Variants in PTGFR observed in about 807,000 individuals in gnomAD.
PTGFR encodes prostaglandin F receptor.
PTGFR carries 15 observed loss-of-function variants against 26.2 expected under a neutral mutation model. That is an observed-to-expected ratio of 0.57 (90% confidence interval 0.38 to 0.88). The LOEUF is 0.88. Ranked by LOEUF, PTGFR falls within the 40% of genes least tolerant of loss-of-function variation. The pLI, the probability that PTGFR is intolerant of heterozygous loss-of-function variation, is 0.00. For missense variants in PTGFR, 369 were observed against 427.2 expected, an observed-to-expected ratio of 0.86 and a Z score of 1.20; for synonymous variants, 165 against 151.1, an observed-to-expected ratio of 1.09 and a Z score of -0.68.
chr1:78,524,075 C>G (rs923431673), intron 2 of PTGFR, among the ~76,000 whole-genome samples: 1 of 152,010 alleles, frequency 6.6e-6, no homozygotes, highest in Middle Eastern at 3.2e-3. Context: ...CTTAATGGTG[C>G]CTTTTGGGCA....
At chr1:78,532,020 C>T (rs77978616) in intron 2 of PTGFR, among the ~76,000 whole-genome samples, 147 of 152,000 alleles carry the variant, frequency 9.7e-4, no homozygotes, top group African/African-American at 3.5e-3. Context: ...GAAAGGTTTT[C>T]TGCAGAAGAT....
At position 78,539,691 on chromosome 1, in the gene PTGFR, T is replaced by G. The variant is rs1650747361; in HGVS notation, c.*3004T>G. Reference sequence around the variant, plus strand: ...TGGTATGCAACTCATGTAATTTTAGTGCTTTGACTAGCTTAAAACTTCAAA... The same window carrying G: ...TGGTATGCAACTCATGTAATTTTAGGGCTTTGACTAGCTTAAAACTTCAAA... On this transcript the variant is annotated 3_prime_UTR_variant, in exon 3 of 3. Coordinates refer to ENST00000370757, the MANE Select transcript of PTGFR (RefSeq NM_000959.4). The G allele has an allele frequency of 6.6e-6, 1 of 152,596 alleles. No homozygotes were observed. The highest frequency in any genetic ancestry group is 1.5e-5 in the Non-Finnish European group (1 of 68,010). The allele number at this position is 152,596 out of a possible 1,614,324, so 9.5% of individuals were successfully genotyped here.
At chr1:78,518,171 C>A (rs895839628) in intron 2 of PTGFR, among the ~76,000 whole-genome samples, 1 of 152,012 alleles carries the variant, frequency 6.6e-6, no homozygotes, top group Non-Finnish European at 1.5e-5. Flanking sequence ...TTCCTTATGG[C>A]TTAAAACACA....
intron 2 of PTGFR, among the ~76,000 whole-genome samples, chr1:78,519,501 G>A (rs1650173423): frequency 6.6e-6 from 1 of 152,018 alleles, no homozygotes; most frequent in Admixed American, 6.6e-5. Context: ...TACTGTTATG[G>A]CCATGATTCC....
At chr1:78,507,658 C>T (rs1201829109) in intron 2 of PTGFR, among the ~76,000 whole-genome samples, 1 of 152,056 alleles carries the variant, frequency 6.6e-6, no homozygotes, top group East Asian at 1.9e-4. Context: ...ATACTAAAAA[C>T]AGTTGAAAAG....
chr1:78,493,651 T>C (rs879237217), intron 2 of PTGFR, 110 bp downstream of exon 2: 1 of 1,077,528 alleles, frequency 9.3e-7, no homozygotes, highest in East Asian at 2.6e-5. Flanking sequence ...TACTCAAAAT[T>C]TATTTCAGCA....
chr1:78,533,325 G>A (rs1570302137), intron 2 of PTGFR, among the ~76,000 whole-genome samples: 1 of 152,128 alleles, frequency 6.6e-6, no homozygotes, highest in Non-Finnish European at 1.5e-5. Context: ...TTTTTCCTGA[G>A]TAGTGCTGAG....
chr1:78,512,668 C>G (rs888702366), intron 2 of PTGFR, among the ~76,000 whole-genome samples: 11 of 152,172 alleles, frequency 7.2e-5, no homozygotes, highest in Non-Finnish European at 1.6e-4. Context: ...GCCCCTACCC[C>G]CAACATTGGG....
intron 2 of PTGFR, among the ~76,000 whole-genome samples, chr1:78,509,193 A>G (rs1649900145): frequency 6.6e-6 from 1 of 152,162 alleles, no homozygotes; most frequent in Admixed American, 6.5e-5. Context: ...GAATCAGTGG[A>G]TGGAAGGGTA....
At chr1:78,532,841 A>C (rs1650555718) in intron 2 of PTGFR, among the ~76,000 whole-genome samples, 1 of 152,160 alleles carries the variant, frequency 6.6e-6, no homozygotes, top group African/African-American at 2.4e-5. Context: ...AAAAATAAGC[A>C]GGGAAAAGTG....
intron 2 of PTGFR, among the ~76,000 whole-genome samples, chr1:78,505,541 T>A (rs1214357770): frequency 6.6e-6 from 1 of 152,114 alleles, no homozygotes; most frequent in East Asian, 1.9e-4. Flanking sequence ...TGTGGGAAAA[T>A]TTACATAATA....
chr1:78,496,460 C>T (rs183185379), intron 2 of PTGFR, among the ~76,000 whole-genome samples: 18 of 152,200 alleles, frequency 1.2e-4, no homozygotes, highest in Non-Finnish European at 2.1e-4. Context: ...TGCCTTTTCT[C>T]TCTGATTAAC....
chr1:78,531,403 T>A (rs1028265702), intron 2 of PTGFR, among the ~76,000 whole-genome samples: 1 of 152,108 alleles, frequency 6.6e-6, no homozygotes, highest in Non-Finnish European at 1.5e-5. Flanking sequence ...TACTTCCTTC[T>A]CTTCACCTGC....
At chr1:78,514,240 T>C (rs2352045) in intron 2 of PTGFR, among the ~76,000 whole-genome samples, 2,221 of 152,300 alleles carry the variant, frequency 0.015, 53 homozygotes, top group African/African-American at 0.051. Flanking sequence ...CTCCAACCTG[T>C]GTGAGCAGCC....
At chr1:78,525,631 G>A (rs1361500268) in intron 2 of PTGFR, among the ~76,000 whole-genome samples, 6 of 152,034 alleles carry the variant, frequency 3.9e-5, no homozygotes, top group Admixed American at 3.9e-4. Flanking sequence ...ATTGAACTCA[G>A]TCTCTAGAAG....
intron 2 of PTGFR, among the ~76,000 whole-genome samples, chr1:78,499,787 TA>T (rs1416765327): frequency 1.3e-5 from 2 of 152,244 alleles, no homozygotes; most frequent in Non-Finnish European, 2.9e-5. Context: ...CTTGGTATTT[TA>T]TTTTATGATA....
At chr1:78,505,424 A>G (rs1255090100) in intron 2 of PTGFR, among the ~76,000 whole-genome samples, 2 of 152,116 alleles carry the variant, frequency 1.3e-5, no homozygotes, top group Non-Finnish European at 2.9e-5. Context: ...CGCCTGGCCT[A>G]TTCTAACTTT....
intron 2 of PTGFR, among the ~76,000 whole-genome samples, chr1:78,532,973 G>A (rs898891390): frequency 6.6e-6 from 1 of 152,114 alleles, no homozygotes; most frequent in Admixed American, 6.6e-5. Context: ...TAGTCCTGGA[G>A]GCACAGATAG....
intron 2 of PTGFR, among the ~76,000 whole-genome samples, chr1:78,520,281 A>G (rs1047880887): frequency 6.6e-6 from 1 of 152,184 alleles, no homozygotes; most frequent in Non-Finnish European, 1.5e-5. Flanking sequence ...ATATATATTT[A>G]TCTCCTCATA....
Sources: gnomAD v4.1 joint callset for allele counts (sites outside exome capture counted in the v4.1 genomes callset) on GRCh38, gnomAD v4.1.1 for gene constraint, MANE v1.5 for transcripts, NCBI Gene and HGNC (gene_info 2026-07-23, HGNC 2026-07-21) for gene names.